Variants in KCNIP4 observed in about 807,000 individuals in gnomAD.
The protein encoded by KCNIP4 is potassium voltage-gated channel interacting protein 4.
A neutral mutation model predicts 34.0 loss-of-function variants in KCNIP4; 12 were observed. That is an observed-to-expected ratio of 0.35 (90% CI 0.23 to 0.57). The LOEUF (loss-of-function observed/expected upper bound fraction) is 0.57, where lower values mean the gene tolerates loss of function less well. Among genes scored for constraint, KCNIP4 ranks in the 20% least tolerant of loss-of-function variants. The pLI, the probability that KCNIP4 is intolerant of heterozygous loss-of-function variation, is 0.83. For missense variants in KCNIP4, 238 were observed against 311.7 expected, an observed-to-expected ratio of 0.76 and a Z score of 1.78; for synonymous variants, 124 against 102.2, an observed-to-expected ratio of 1.21 and a Z score of -1.29.
chr4:21,642,666 G>T (rs1196912539), intron 1 of KCNIP4, among the ~76,000 whole-genome samples: 1 of 152,012 alleles, frequency 6.6e-6, no homozygotes, highest in East Asian at 1.9e-4. Flanking sequence ...AGAGAGGAAT[G>T]CTTCTAGCAG....
chr4:21,486,298 C>A (rs893608641), intron 1 of KCNIP4, among the ~76,000 whole-genome samples: 1 of 152,074 alleles, frequency 6.6e-6, no homozygotes, highest in Non-Finnish European at 1.5e-5. Flanking sequence ...CAGCACAGAG[C>A]CTTAGAAGTA....
At chr4:21,448,232 A>G (rs986418043) in intron 1 of KCNIP4, among the ~76,000 whole-genome samples, 16 of 152,270 alleles carry the variant, frequency 1.1e-4, no homozygotes, top group Middle Eastern at 3.4e-3. Context: ...AAGGGATGAG[A>G]GGAAGTGAGG....
intron 3 of KCNIP4, among the ~76,000 whole-genome samples, chr4:20,776,769 C>A (rs1756406259): frequency 6.6e-6 from 1 of 152,098 alleles, no homozygotes; most frequent in African/African-American, 2.4e-5. Flanking sequence ...AAATCTAGCT[C>A]ATCAGTTCAG....
intron 1 of KCNIP4, among the ~76,000 whole-genome samples, chr4:21,351,977 A>G (rs1718045493): frequency 1.3e-5 from 2 of 152,170 alleles, no homozygotes; most frequent in Admixed American, 6.5e-5. Context: ...AACTAATCAC[A>G]TCATAAGTTG....
chr4:20,971,731 G>A (rs918067046), intron 1 of KCNIP4, among the ~76,000 whole-genome samples: 14 of 152,186 alleles, frequency 9.2e-5, no homozygotes, highest in African/African-American at 3.4e-4. Flanking sequence ...GAAGGTTGGA[G>A]TAATTGTGGC....
chr4:20,806,838 G>A (rs1715156571), intron 3 of KCNIP4, among the ~76,000 whole-genome samples: 1 of 152,114 alleles, frequency 6.6e-6, no homozygotes, highest in Non-Finnish European at 1.5e-5. Flanking sequence ...TTTGAAACAA[G>A]GGGTATGGAT....
rs529999048 is a variant in KCNIP4, at chr4:21,049,052, G to C, written c.62-166343C>G. The stretch of plus-strand genomic sequence containing the variant: ...TGCAAGCTCCGCCTCCCGGGTTCAC[G>C]CCATTCTCCTGCCTCAGCCTCCCGA... On this transcript the variant is annotated intron_variant, in intron 1 of 8. Coordinates refer to ENST00000382152, the MANE Select transcript of KCNIP4 (RefSeq NM_025221.6). Among the ~76,000 whole-genome samples, 11 of 143,694 alleles carry C rather than the reference G, an allele frequency of 7.7e-5. No individual in the cohort carries two copies. In the East Asian group the frequency reaches 2.1e-3, roughly 28 times the overall value. 94.3% of individuals were successfully genotyped at this position (143,694 alleles called of 152,430 possible). A position where few individuals can be genotyped will look rare whatever the true frequency, so the allele number is the denominator to read the frequency against.
At chr4:20,940,416 T>C (rs762017305) in intron 1 of KCNIP4, among the ~76,000 whole-genome samples, 2 of 152,208 alleles carry the variant, frequency 1.3e-5, no homozygotes, top group Admixed American at 6.5e-5. Context: ...GGACACAAAA[T>C]AGTCAATAAA....
chr4:21,346,788 A>C (rs1451739302), intron 1 of KCNIP4, among the ~76,000 whole-genome samples: 1 of 152,074 alleles, frequency 6.6e-6, no homozygotes, highest in Non-Finnish European at 1.5e-5. Flanking sequence ...CTCAGACCAC[A>C]CGTACAACAG....
rs1355440166 is a variant in KCNIP4 at position 21,294,636 on chromosome 4, T to C, written c.62-411927A>G. 2.6e-5 allele frequency among the ~76,000 whole-genome samples: 4 copies of C among 152,134 alleles called. No homozygotes were observed. The East Asian group carries it at 7.7e-4, about 29-fold the overall frequency. ...AATGGTGAGGTCCTCACCTAGAATA[T>C]AATGATCACTCTATTATAGATAATG... is the stretch of plus-strand genomic sequence containing the variant. On this transcript the variant is annotated intron_variant, in intron 1 of 8. Transcript: ENST00000382152.
intron 1 of KCNIP4, among the ~76,000 whole-genome samples, chr4:21,380,152 T>C (rs1577266190): frequency 6.6e-6 from 1 of 152,276 alleles, no homozygotes; most frequent in East Asian, 1.9e-4. Flanking sequence ...AGGCAGAATG[T>C]ACATTGTAAA....
chr4:21,631,347 T>A (rs1297232271), intron 1 of KCNIP4, among the ~76,000 whole-genome samples: 1 of 152,198 alleles, frequency 6.6e-6, no homozygotes, highest in Non-Finnish European at 1.5e-5. Flanking sequence ...TTCCATTTAT[T>A]CAAATAGTAA....
intron 1 of KCNIP4, among the ~76,000 whole-genome samples, chr4:21,422,103 A>G (rs1291625785): frequency 6.6e-6 from 1 of 152,218 alleles, no homozygotes. Flanking sequence ...CATAAACACT[A>G]ACTTGAAGCT....
At chr4:21,703,023 C>CA (rs202160474) in intron 1 of KCNIP4, among the ~76,000 whole-genome samples, 1,947 of 150,280 alleles carry the variant, frequency 0.013, 36 homozygotes, top group African/African-American at 0.037. Context: ...TTCACTGATG[C>CA]AAAAAAAAGC....
intron 3 of KCNIP4, among the ~76,000 whole-genome samples, chr4:20,800,654 C>A (rs951724428): frequency 2.0e-5 from 3 of 152,038 alleles, no homozygotes; most frequent in Admixed American, 6.5e-5. Context: ...CAATAGAAAG[C>A]TTCAATAGCA....
intron 1 of KCNIP4, among the ~76,000 whole-genome samples, chr4:21,874,526 G>A (rs1321994901): frequency 6.6e-6 from 1 of 152,144 alleles, no homozygotes; most frequent in Non-Finnish European, 1.5e-5. Flanking sequence ...AGATAAGGCT[G>A]TAACTCCTAT....
intron 1 of KCNIP4, among the ~76,000 whole-genome samples, chr4:20,972,032 T>C (rs1311706186): frequency 6.6e-6 from 1 of 152,234 alleles, no homozygotes; most frequent in Non-Finnish European, 1.5e-5. Flanking sequence ...ACTCCTCATT[T>C]GTTCTAGTTT....
At chr4:21,945,715 A>G (rs1311286480) in intron 1 of KCNIP4, among the ~76,000 whole-genome samples, 1 of 151,568 alleles carries the variant, frequency 6.6e-6, no homozygotes, top group Non-Finnish European at 1.5e-5. Flanking sequence ...CTTGTTTCTG[A>G]TTCTCTTTCA....
At chr4:21,629,246 A>G (rs1003510024) in intron 1 of KCNIP4, among the ~76,000 whole-genome samples, 4 of 152,238 alleles carry the variant, frequency 2.6e-5, no homozygotes, top group African/African-American at 9.6e-5. Context: ...AATAGTTATC[A>G]CAATGATACT....
Sources: allele counts gnomAD v4.1 joint callset (sites outside exome capture counted in the v4.1 genomes callset), GRCh38; gene constraint gnomAD v4.1.1; transcripts MANE v1.5; gene names NCBI Gene and HGNC (gene_info 2026-07-23, HGNC 2026-07-21).